PTPRE: variants seen among roughly 807,000 people sequenced by gnomAD.
The protein encoded by PTPRE is protein tyrosine phosphatase receptor type E, also known as receptor-type tyrosine-protein phosphatase epsilon.
Under a neutral mutation model 102.0 loss-of-function variants are expected in PTPRE, and 51 were observed. The ratio of observed to expected loss-of-function variants is 0.50; its 90% CI spans 0.40 to 0.63. The LOEUF (loss-of-function observed/expected upper bound fraction) is 0.63, where lower values mean the gene tolerates loss of function less well. Ranked by LOEUF, PTPRE falls within the 30% of genes least tolerant of loss-of-function variation. PTPRE has a pLI of 0.00. For missense variants in PTPRE, 752 were observed against 915.1 expected, an observed-to-expected ratio of 0.82 and a Z score of 2.30; for synonymous variants, 345 against 348.2, an observed-to-expected ratio of 0.99 and a Z score of 0.10.
intron 2 of PTPRE, among the ~76,000 whole-genome samples, chr10:127,987,750 G>T (rs554614936): frequency 6.6e-6 from 1 of 152,282 alleles, no homozygotes; most frequent in South Asian, 2.1e-4. Context: ...GACATAGGCC[G>T]GCTCGATGAC....
At chr10:128,055,113 G>A (rs1168609440) in intron 6 of PTPRE, among the ~76,000 whole-genome samples, 10 of 152,086 alleles carry the variant, frequency 6.6e-5, no homozygotes, top group Non-Finnish European at 1.2e-4. Context: ...CGTACCTGGC[G>A]CACTGAGACA....
intron 1 of PTPRE, among the ~76,000 whole-genome samples, chr10:127,918,544 G>A (rs1286962000): frequency 1.3e-5 from 2 of 148,484 alleles, no homozygotes; most frequent in Non-Finnish European, 3.0e-5. Flanking sequence ...GGGCGACAGA[G>A]CGAGACTCCA....
chr10:128,075,588 G>A (rs997505703), intron 17 of PTPRE, among the ~76,000 whole-genome samples: 5 of 152,180 alleles, frequency 3.3e-5, no homozygotes, highest in Admixed American at 2.0e-4. Flanking sequence ...TGAAGAGTAT[G>A]TGAAAGTTTG....
chr10:128,043,974 AT>A (rs937535390), intron 3 of PTPRE, among the ~76,000 whole-genome samples: 21 of 151,868 alleles, frequency 1.4e-4, no homozygotes, highest in Admixed American at 4.6e-4. Context: ...AATCAGTATC[AT>A]TTTTTTTCTT....
chr10:128,056,526 T>A (rs1040527633), intron 7 of PTPRE, among the ~76,000 whole-genome samples: 4 of 152,096 alleles, frequency 2.6e-5, no homozygotes, highest in Non-Finnish European at 5.9e-5. Flanking sequence ...GCAGGGCCCC[T>A]CCTGTGGAAC....
chr10:127,987,295 C>T, intron 2 of PTPRE: 1 of 1,243,494 alleles, frequency 8.0e-7, no homozygotes, highest in Non-Finnish European at 1.0e-6. Flanking sequence ...AGACCCAGTT[C>T]AAAGTTGGAA....
intron 1 of PTPRE, among the ~76,000 whole-genome samples, chr10:127,918,228 GC>G (rs1846343263): frequency 1.3e-5 from 2 of 152,072 alleles, no homozygotes; most frequent in Non-Finnish European, 2.9e-5. Context: ...AAGACCTCAG[GC>G]TGGCTTGGAG....
At chr10:128,052,777 G>A (rs970984143) in intron 6 of PTPRE, among the ~76,000 whole-genome samples, 2 of 152,170 alleles carry the variant, frequency 1.3e-5, no homozygotes, top group Admixed American at 6.5e-5. Flanking sequence ...GCAGAGGGAG[G>A]TGTCAACCGC....
At chr10:127,956,193 T>C (rs1437923493) in intron 1 of PTPRE, among the ~76,000 whole-genome samples, 3 of 152,200 alleles carry the variant, frequency 2.0e-5, no homozygotes, top group Non-Finnish European at 4.4e-5. Flanking sequence ...GGGCTTGTGA[T>C]GGTTAATTTT....
chr10:128,057,613 T>C (rs572080216), intron 7 of PTPRE, among the ~76,000 whole-genome samples: 2 of 152,368 alleles, frequency 1.3e-5, no homozygotes, highest in South Asian at 4.1e-4. Flanking sequence ...GATTGATATG[T>C]GGTTTTCACA....
At chr10:127,963,108 C>G (rs923617379) in intron 1 of PTPRE, among the ~76,000 whole-genome samples, 1 of 152,294 alleles carries the variant, frequency 6.6e-6, no homozygotes, top group Non-Finnish European at 1.5e-5. Context: ...TGAGGCAGCT[C>G]GGTCCCCCTG....
intron 5 of PTPRE, among the ~76,000 whole-genome samples, chr10:128,048,835 G>C (rs1848315760): frequency 6.6e-6 from 1 of 152,204 alleles, no homozygotes; most frequent in Non-Finnish European, 1.5e-5. Context: ...GGTGGGGACA[G>C]GCCCTTTTGC....
intron 2 of PTPRE, among the ~76,000 whole-genome samples, chr10:128,015,227 T>C (rs1426498307): frequency 6.6e-6 from 1 of 152,156 alleles, no homozygotes; most frequent in African/African-American, 2.4e-5. Context: ...GCAAACTAAC[T>C]GAAACAACTC....
chr10:128,070,071 C>T lies in PTPRE; in HGVS notation c.1144-230C>T, dbSNP rs1174526595. ...CCTACTCCCCCAAACGGTGCATGTA[C>T]ACAGTGCGTGGCGTGCTCACCAATG... On this transcript the variant is annotated intron_variant, in intron 13 of 20. Transcript: ENST00000254667. This position sits in a 1 kb window ranked among gnomAD's most constrained non-coding sequence, Gnocchi z 4.8. 2 of 692,868 alleles carry T rather than the reference C, an allele frequency of 2.9e-6. No individual in the cohort carries two copies. The highest frequency in any genetic ancestry group is 1.8e-5 in the African/African-American group (1 of 55,528). 42.9% of individuals were successfully genotyped at this position (692,868 alleles called of 1,614,324 possible).
chr10:128,084,448 T>C lies in PTPRE; in HGVS notation c.*1542T>C, dbSNP rs1490075423. ...ACCCCAGGACACATTATTGTTCTGATAGATGCTCACAGGGAATCAAGCTTC... is the reference window on the plus strand; with the variant it reads ...ACCCCAGGACACATTATTGTTCTGACAGATGCTCACAGGGAATCAAGCTTC... On this transcript the variant is annotated 3_prime_UTR_variant, in exon 21 of 21. Coordinates refer to ENST00000254667, the MANE Select transcript of PTPRE (RefSeq NM_006504.6). The C allele has an allele frequency of 2.0e-5, 3 of 152,292 alleles. No homozygotes were observed. Among genetic ancestry groups the C allele is most frequent in the African/African-American group, 7.2e-5 (3 of 41,472 alleles). 9.4% of individuals were successfully genotyped at this position (152,292 alleles called of 1,614,324 possible). A position where few individuals can be genotyped will look rare whatever the true frequency, so the allele number is the denominator to read the frequency against.
intron 2 of PTPRE, among the ~76,000 whole-genome samples, chr10:128,013,069 G>T (rs1047323891): frequency 6.6e-6 from 1 of 152,154 alleles, no homozygotes; most frequent in East Asian, 1.9e-4. Flanking sequence ...AAAGAGAAGA[G>T]TCTATTTAAT....
intron 2 of PTPRE, among the ~76,000 whole-genome samples, chr10:128,029,282 G>A (rs546151374): frequency 2.6e-5 from 4 of 152,288 alleles, no homozygotes; most frequent in South Asian, 2.1e-4. Flanking sequence ...CCCACCTACA[G>A]GTTTCCAAGC....
chr10:127,962,392 G>T (rs1189818899), intron 1 of PTPRE, among the ~76,000 whole-genome samples: 1 of 152,248 alleles, frequency 6.6e-6, no homozygotes, highest in Non-Finnish European at 1.5e-5. Context: ...AAAGGGCAAA[G>T]TCACTTGTTC....
At chr10:127,984,177 G>T (rs1851887011) in intron 2 of PTPRE, among the ~76,000 whole-genome samples, 2 of 151,104 alleles carry the variant, frequency 1.3e-5, no homozygotes, top group Admixed American at 1.3e-4. Context: ...TGCCTCCCGG[G>T]TTCAAGCGAT....
Sources: allele counts gnomAD v4.1 joint callset (sites outside exome capture counted in the v4.1 genomes callset), GRCh38; gene constraint gnomAD v4.1.1; non-coding constraint Gnocchi (gnomAD v3.1); transcripts MANE v1.5; gene names NCBI Gene and HGNC (gene_info 2026-07-23, HGNC 2026-07-21).